Variants in IL1RAPL1 observed in about 807,000 individuals in gnomAD.
The protein encoded by IL1RAPL1 is interleukin-1 receptor accessory protein-like 1.
Under a neutral mutation model 48.4 loss-of-function variants are expected in IL1RAPL1, and 3 were observed. The observed-to-expected ratio is 0.06, with a 90% confidence interval of 0.03 to 0.16. IL1RAPL1 has a LOEUF of 0.16. Among genes scored for constraint, IL1RAPL1 ranks in the 10% least tolerant of loss-of-function variants. The pLI, the probability that IL1RAPL1 is intolerant of heterozygous loss-of-function variation, is 1.00. For synonymous variants in IL1RAPL1, 185 were observed against 187.7 expected, an observed-to-expected ratio of 0.99 and a Z score of 0.12; for missense variants, 349 against 530.6, an observed-to-expected ratio of 0.66 and a Z score of 3.36.
chrX:29,879,540 T>C (rs1296871579), intron 6 of IL1RAPL1, among the ~76,000 whole-genome samples: 2 of 109,794 alleles, frequency 1.8e-5, no homozygotes, highest in Non-Finnish European at 3.8e-5. Flanking sequence ...AATATCATAT[T>C]GTTCCTTATA....
intron 6 of IL1RAPL1, among the ~76,000 whole-genome samples, chrX:29,823,936 A>T (rs1036562522): frequency 1.8e-5 from 2 of 111,938 alleles, no homozygotes. Context: ...AAATTTTGAT[A>T]TCGTCAAAAT....
At chrX:29,071,299 A>C (rs896493062) in intron 2 of IL1RAPL1, among the ~76,000 whole-genome samples, 5 of 111,551 alleles carry the variant, frequency 4.5e-5, no homozygotes, top group African/African-American at 1.6e-4. Context: ...CATAGGCCAC[A>C]AGGATGAACA....
At chrX:29,017,907 T>G (rs1423205883) in intron 2 of IL1RAPL1, among the ~76,000 whole-genome samples, 1 of 111,987 alleles carries the variant, frequency 8.9e-6, no homozygotes, top group African/African-American at 3.2e-5. Flanking sequence ...TGCTGTTGAT[T>G]GTTCAGGTTA....
intron 6 of IL1RAPL1, among the ~76,000 whole-genome samples, chrX:29,837,293 A>G: frequency 1.3e-5 from 1 of 76,473 alleles, no homozygotes; most frequent in Admixed American, 1.4e-4. Flanking sequence ...ATATATATAT[A>G]TATATATACA....
intron 1 of IL1RAPL1, among the ~76,000 whole-genome samples, chrX:28,744,551 G>A (rs1168858977): frequency 9.0e-6 from 1 of 111,274 alleles, no homozygotes; most frequent in African/African-American, 3.3e-5. Flanking sequence ...ACTCTGGGTA[G>A]CGTTTTCAAA....
At chrX:28,735,648 C>T (rs1016029191) in intron 1 of IL1RAPL1, among the ~76,000 whole-genome samples, 4 of 109,374 alleles carry the variant, frequency 3.7e-5, no homozygotes, top group African/African-American at 6.6e-5. Context: ...GACACACAAC[C>T]GTAGTCCTAG....
intron 1 of IL1RAPL1, among the ~76,000 whole-genome samples, chrX:28,589,415 C>G (rs1172900597): frequency 9.0e-6 from 1 of 111,169 alleles, no homozygotes; most frequent in East Asian, 2.8e-4. Context: ...ACCTTGATCT[C>G]TATGGCAAAT....
At chrX:29,867,448 G>A (rs1467622626) in intron 6 of IL1RAPL1, among the ~76,000 whole-genome samples, 1 of 111,059 alleles carries the variant, frequency 9.0e-6, no homozygotes, top group African/African-American at 3.3e-5. Flanking sequence ...AGTGGCCTAG[G>A]CCCTTTTTTG....
At chrX:29,766,174 A>G (rs1928879253) in intron 6 of IL1RAPL1, among the ~76,000 whole-genome samples, 1 of 105,592 alleles carries the variant, frequency 9.5e-6, no homozygotes, top group African/African-American at 3.5e-5. Flanking sequence ...ACTAAAATAC[A>G]AAAATTAGCC....
chrX:29,487,452 A>G (rs754714334), intron 5 of IL1RAPL1, among the ~76,000 whole-genome samples: 14 of 111,685 alleles, frequency 1.3e-4, no homozygotes, highest in African/African-American at 4.6e-4. Flanking sequence ...TCTTAAGTGT[A>G]TTGGATCAGA....
intron 2 of IL1RAPL1, among the ~76,000 whole-genome samples, chrX:28,876,381 G>A (rs1922373093): frequency 8.9e-6 from 1 of 112,189 alleles, no homozygotes; most frequent in Non-Finnish European, 1.9e-5. Context: ...ACCCTGCCAA[G>A]GGCAAGGTGG....
In IL1RAPL1 at chrX:28,969,149, C is replaced by A. The variant is rs186033494; in HGVS notation, c.82+179724C>A. ...CACATAGCTTCCAACTTGCTTTAAA[C>A]CAGATCTTGTTGGTGTGAAGCCACT... On this transcript the variant is annotated intron_variant, in intron 2 of 10. Coordinates refer to ENST00000378993, the MANE Select transcript of IL1RAPL1 (RefSeq NM_014271.4). 2.7e-3 allele frequency among the ~76,000 whole-genome samples: 299 copies of A among 112,143 alleles called. 1 individual carries two copies. The highest frequency in any genetic ancestry group is 9.1e-3 in the African/African-American group (283 of 30,929).
At chrX:29,167,310 C>T (rs752588614) in intron 2 of IL1RAPL1, among the ~76,000 whole-genome samples, 5 of 109,714 alleles carry the variant, frequency 4.6e-5, no homozygotes, top group African/African-American at 1.7e-4. Flanking sequence ...CCTTCCCCTT[C>T]CCTTCCCTTC....
At chrX:29,506,476 T>C (rs1414676359) in intron 5 of IL1RAPL1, among the ~76,000 whole-genome samples, 1 of 107,468 alleles carries the variant, frequency 9.3e-6, no homozygotes, top group African/African-American at 3.5e-5. Flanking sequence ...CTTCTCATTC[T>C]TCTTCTTCTT....
At chrX:29,651,904 C>T (rs1211153234) in intron 5 of IL1RAPL1, among the ~76,000 whole-genome samples, 1 of 110,923 alleles carries the variant, frequency 9.0e-6, no homozygotes, top group Non-Finnish European at 1.9e-5. Context: ...TGTTATCTGT[C>T]AATTTAATTT....
chrX:28,647,248 T>C (rs1356887219), intron 1 of IL1RAPL1, among the ~76,000 whole-genome samples: 1 of 112,142 alleles, frequency 8.9e-6, no homozygotes, highest in Non-Finnish European at 1.9e-5. Context: ...AACCTCTACC[T>C]ACAAGTATAC....
intron 2 of IL1RAPL1, among the ~76,000 whole-genome samples, chrX:29,015,471 G>GTGAT (rs200333175): frequency 0.011 from 1,239 of 110,974 alleles, 22 homozygotes; most frequent in African/African-American, 0.039. Context: ...GATGCCATGA[G>GTGAT]TAAGTTGAAA....
chrX:29,299,374 T>A (rs1405642370), intron 3 of IL1RAPL1, among the ~76,000 whole-genome samples: 1 of 112,077 alleles, frequency 8.9e-6, no homozygotes, highest in Admixed American at 9.5e-5. Flanking sequence ...GCCTATTTCA[T>A]TAAATCATGT....
intron 6 of IL1RAPL1, among the ~76,000 whole-genome samples, chrX:29,802,786 T>TAC (rs1470871335): frequency 1.6e-3 from 26 of 16,277 alleles, no homozygotes; most frequent in African/African-American, 7.3e-3. Context: ...TATATATGTG[T>TAC]GTGTGTATAT....
Sources: gnomAD v4.1 joint callset for allele counts (sites outside exome capture counted in the v4.1 genomes callset) on GRCh38, gnomAD v4.1.1 for gene constraint, MANE v1.5 for transcripts, NCBI Gene and HGNC (gene_info 2026-07-23, HGNC 2026-07-21) for gene names.